CAPN5: variants seen among roughly 807,000 people sequenced by gnomAD.
CAPN5 encodes the protein calpain 5.
A neutral mutation model predicts 73.0 loss-of-function variants in CAPN5; 54 were observed. That is an observed-to-expected ratio of 0.74 (90% CI 0.59 to 0.93). The LOEUF (loss-of-function observed/expected upper bound fraction) is 0.93, where lower values mean the gene tolerates loss of function less well. CAPN5 is among the 40% of genes least tolerant of loss of function. The pLI is 0.00. For synonymous variants in CAPN5, 335 were observed against 356.9 expected, an observed-to-expected ratio of 0.94 and a Z score of 0.69; for missense variants, 785 against 882.9, an observed-to-expected ratio of 0.89 and a Z score of 1.41.
At chr11:77,119,488 T>A in intron 9 of CAPN5, 1 of 303,616 alleles carries the variant, frequency 3.3e-6, no homozygotes, top group East Asian at 6.9e-5. Context: ...GGGCCCCCAC[T>A]GCTCCTCCCT....
At chr11:77,092,468 G>C (rs1950157602) in intron 2 of CAPN5, among the ~76,000 whole-genome samples, 1 of 152,246 alleles carries the variant, frequency 6.6e-6, no homozygotes, top group South Asian at 2.1e-4. Flanking sequence ...TCCTTGGGCA[G>C]GGTCAGGTGC....
chr11:77,095,211 G>T (rs1950194938), intron 3 of CAPN5, among the ~76,000 whole-genome samples: 1 of 152,118 alleles, frequency 6.6e-6, no homozygotes, highest in African/African-American at 2.4e-5. Flanking sequence ...TACGCCTCAA[G>T]GCCCAGAGAG....
At chr11:77,069,488 A>G (rs1555032683) in intron 1 of CAPN5, among the ~76,000 whole-genome samples, 1 of 152,106 alleles carries the variant, frequency 6.6e-6, no homozygotes, top group Admixed American at 6.5e-5. Context: ...TGCCTGACCA[A>G]GTCCCCTGGC....
chr11:77,086,376 T>C (rs1378316782), intron 2 of CAPN5, among the ~76,000 whole-genome samples: 1 of 152,020 alleles, frequency 6.6e-6, no homozygotes, highest in African/African-American at 2.4e-5. Flanking sequence ...GAGAGGAAGG[T>C]GCGTGTCCTA....
intron 1 of CAPN5, among the ~76,000 whole-genome samples, chr11:77,082,960 C>T (rs1950042932): frequency 6.6e-6 from 1 of 152,196 alleles, no homozygotes; most frequent in Non-Finnish European, 1.5e-5. Flanking sequence ...CTGACCCTGC[C>T]GGAAACCCGT....
intron 8 of CAPN5, among the ~76,000 whole-genome samples, chr11:77,118,750 G>A (rs371175799): frequency 7.9e-5 from 12 of 152,234 alleles, no homozygotes; most frequent in South Asian, 2.1e-4. Context: ...AGTCTGACCC[G>A]TGGCGCTGCT....
rs1591117454 is a variant in CAPN5, at chr11:77,085,157, A to G, written c.165+106A>G. On this transcript the variant is annotated intron_variant, in intron 2 of 12. Coordinates refer to ENST00000648180, the MANE Select transcript of CAPN5 (RefSeq NM_004055.5). ...GGTGGGAGGAGGCATCCCTGGCCCCAGGCTGCTGAGAAAGTGAGGGTGCTG... is the reference window on the plus strand; with the variant it reads ...GGTGGGAGGAGGCATCCCTGGCCCCGGGCTGCTGAGAAAGTGAGGGTGCTG... The G allele has an allele frequency of 4.2e-6, 4 of 952,462 alleles. No homozygotes were observed. The East Asian group carries it at 1.0e-4, about 24-fold the overall frequency. The allele number at this position is 952,462 out of a possible 1,614,324, so 59.0% of individuals were successfully genotyped here.
At chr11:77,101,834 G>A (rs1025559959) in intron 3 of CAPN5, among the ~76,000 whole-genome samples, 5 of 152,270 alleles carry the variant, frequency 3.3e-5, no homozygotes, top group Middle Eastern at 3.4e-3. Context: ...TTCTGGTTCC[G>A]CCCCGGGCCC....
chr11:77,112,005 A>AT (rs1381110566), intron 3 of CAPN5, among the ~76,000 whole-genome samples: 4 of 151,946 alleles, frequency 2.6e-5, no homozygotes, highest in Non-Finnish European at 5.9e-5. Context: ...TTTGTGTCTT[A>AT]TTTTCTAGGG....
rs575776637 is a variant in CAPN5, at chr11:77,071,995, G to A, written c.-36+4901G>A. 3.3e-4 allele frequency among the ~76,000 whole-genome samples: 50 copies of A among 152,266 alleles called. No homozygotes were observed. In the East Asian group the frequency reaches 4.8e-3, roughly 15 times the overall value. On this transcript the variant is annotated intron_variant, in intron 1 of 12. Coordinates refer to ENST00000648180, the MANE Select transcript of CAPN5 (RefSeq NM_004055.5). ...CCAAGGCCACGCCATACTGGGCCCC[G>A]CTTCTCTCAGGGGCCTGCCTATAGC... is the stretch of plus-strand genomic sequence containing the variant.
chr11:77,105,037 G>A lies in CAPN5; in HGVS notation c.298-7552G>A, dbSNP rs75230201. Among the ~76,000 whole-genome samples the A allele has an allele frequency of 4.0e-3, 606 of 152,082 alleles. 18 individuals are homozygous for A. The highest frequency in any genetic ancestry group is 0.035 in the Admixed American group (539 of 15,284). On this transcript the variant is annotated intron_variant, in intron 3 of 12. Coordinates refer to ENST00000648180, the MANE Select transcript of CAPN5 (RefSeq NM_004055.5). ...GGCCATTGCCTGCCCTGCTGAGCAC[G>A]AGGGGAGGCCAGAACCGTGTGCAGT...
intron 3 of CAPN5, among the ~76,000 whole-genome samples, chr11:77,106,440 C>T (rs970229651): frequency 4.6e-5 from 7 of 152,130 alleles, no homozygotes; most frequent in Non-Finnish European, 8.8e-5. Flanking sequence ...GACCCATTTT[C>T]CCTGGAAACC....
intron 4 of CAPN5, among the ~76,000 whole-genome samples, chr11:77,113,714 G>C (rs899743665): frequency 2.4e-5 from 2 of 82,378 alleles, no homozygotes; most frequent in Admixed American, 1.1e-4. Flanking sequence ...GGTGGCCACT[G>C]AGTCTCCACC....
intron 3 of CAPN5, chr11:77,102,971 G>C (rs782109263): frequency 1.2e-6 from 2 of 1,613,234 alleles, no homozygotes; most frequent in Non-Finnish European, 1.7e-6. Flanking sequence ...ATGGGGAGAA[G>C]CTGCTGCAGC....
At chr11:77,119,244 C>T (rs1950499631) in intron 9 of CAPN5, 92 bp downstream of exon 9, 4 of 1,393,628 alleles carry the variant, frequency 2.9e-6, no homozygotes, top group Non-Finnish European at 3.9e-6. Flanking sequence ...CTCTAGAACA[C>T]CTTGGTCACT....
At chr11:77,104,648 C>T (rs1950324980) in intron 3 of CAPN5, among the ~76,000 whole-genome samples, 1 of 151,836 alleles carries the variant, frequency 6.6e-6, no homozygotes, top group South Asian at 2.1e-4. Context: ...AGTGCCTGAC[C>T]TGCACCTAAC....
chr11:77,099,223 G>A (rs1591129994), intron 3 of CAPN5, among the ~76,000 whole-genome samples: 16 of 92,168 alleles, frequency 1.7e-4, no homozygotes, highest in African/African-American at 3.4e-4. Flanking sequence ...GCGGCCGGGC[G>A]GAGACGCTCC....
rs543964068 is a variant in CAPN5, at chr11:77,089,455, A to G, written c.166-4227A>G. Reference sequence around the variant, plus strand: ...GCAGAGACCTTCCCTGACTCACTCTATGACCTATGTCCAGCCAGTGGCCCA... The same window carrying G: ...GCAGAGACCTTCCCTGACTCACTCTGTGACCTATGTCCAGCCAGTGGCCCA... On this transcript the variant is annotated intron_variant, in intron 2 of 12. Transcript: ENST00000648180. 2.0e-5 allele frequency among the ~76,000 whole-genome samples: 3 copies of G among 152,320 alleles called. No homozygotes were observed. The East Asian group carries it at 5.8e-4, about 29-fold the overall frequency.
chr11:77,080,398 G>T (rs1950016267), intron 1 of CAPN5, among the ~76,000 whole-genome samples: 1 of 152,154 alleles, frequency 6.6e-6, no homozygotes, highest in Non-Finnish European at 1.5e-5. Context: ...TTCCCCTGGG[G>T]CTGATGCTGG....
Sources: allele counts gnomAD v4.1 joint callset (sites outside exome capture counted in the v4.1 genomes callset), GRCh38; gene constraint gnomAD v4.1.1; transcripts MANE v1.5; gene names NCBI Gene and HGNC (gene_info 2026-07-23, HGNC 2026-07-21).